The following ADORA2B variants were observed in gnomAD, a reference collection of about 807,000 sequenced individuals.
ADORA2B encodes adenosine receptor A2b.
ADORA2B carries 18 observed loss-of-function variants against 20.8 expected under a neutral mutation model. The ratio of observed to expected loss-of-function variants is 0.87; its 90% CI spans 0.60 to 1.29. The LOEUF is 1.29. Ranked by LOEUF, ADORA2B falls within the 50% of genes most tolerant of loss-of-function variation. The probability of loss-of-function intolerance (pLI) is 0.00; values close to 1 mark genes in which losing one functional copy is unlikely to be tolerated. For missense variants in ADORA2B, 441 were observed against 422.7 expected (o/e 1.04, Z -0.38); for synonymous variants, 179 against 178.3 (o/e 1.00, Z -0.03).
chr17:15,872,410 A>G, the ADORA2B span, among the ~76,000 whole-genome samples: 1 of 152,026 alleles, frequency 6.6e-6, no homozygotes, highest in African/African-American at 2.4e-5. Context: ...TTGGTTCCAT[A>G]TGAATTTTGG....
intron 1 of ADORA2B, among the ~76,000 whole-genome samples, chr17:15,968,303 G>A (rs144048894): frequency 2.6e-5 from 4 of 152,206 alleles, no homozygotes; most frequent in Admixed American, 1.3e-4. Context: ...CCACATATAC[G>A]GAGGGCTGCT....
the ADORA2B span, among the ~76,000 whole-genome samples, chr17:15,934,973 T>C: frequency 1.3e-5 from 2 of 151,906 alleles, no homozygotes; most frequent in Non-Finnish European, 2.9e-5. Context: ...TGCCACCTAA[T>C]TTTTGTATTT....
At chr17:15,920,648 G>A in the ADORA2B span, among the ~76,000 whole-genome samples, 1 of 151,672 alleles carries the variant, frequency 6.6e-6, no homozygotes, top group Admixed American at 6.6e-5. Context: ...TTGAATCTGG[G>A]AGGTGGAGGT....
the ADORA2B span, among the ~76,000 whole-genome samples, chr17:15,912,556 G>T: frequency 6.6e-6 from 1 of 152,182 alleles, no homozygotes; most frequent in Non-Finnish European, 1.5e-5. Context: ...ACCTAGCCAG[G>T]ATAGCAGCCA....
At chr17:15,892,988 G>GT in the ADORA2B span, among the ~76,000 whole-genome samples, 1 of 152,146 alleles carries the variant, frequency 6.6e-6, no homozygotes, top group Non-Finnish European at 1.5e-5. Context: ...TTATTCATGA[G>GT]TACTGTCTCT....
chr17:15,882,222 G>C, the ADORA2B span, among the ~76,000 whole-genome samples: 1 of 152,202 alleles, frequency 6.6e-6, no homozygotes, highest in Non-Finnish European at 1.5e-5. Flanking sequence ...GGGCTGTGGA[G>C]GGAGAGCAGA....
At chr17:15,973,227 A>C (rs1970209205) in intron 1 of ADORA2B, among the ~76,000 whole-genome samples, 1 of 152,200 alleles carries the variant, frequency 6.6e-6, no homozygotes, top group Admixed American at 6.5e-5. Context: ...TCCAGTGCTT[A>C]CTGCCTCAGG....
the ADORA2B span, among the ~76,000 whole-genome samples, chr17:15,879,567 T>C: frequency 4.6e-5 from 7 of 150,736 alleles, no homozygotes; most frequent in African/African-American, 1.7e-4. Flanking sequence ...AGACGGAGTC[T>C]TGCTCTGTCA....
the ADORA2B span, among the ~76,000 whole-genome samples, chr17:15,919,763 G>T: frequency 1.3e-5 from 2 of 152,194 alleles, no homozygotes; most frequent in South Asian, 4.1e-4. Flanking sequence ...CAGGTGGGAT[G>T]CCAGGTGGGG....
At chr17:15,917,983 G>A in the ADORA2B span, among the ~76,000 whole-genome samples, 1 of 152,248 alleles carries the variant, frequency 6.6e-6, no homozygotes, top group African/African-American at 2.4e-5. Flanking sequence ...TATCCTTGTG[G>A]GTGATTGTAC....
intron 1 of ADORA2B, among the ~76,000 whole-genome samples, chr17:15,970,617 A>G (rs1033283720): frequency 2.0e-5 from 3 of 152,220 alleles, no homozygotes; most frequent in Non-Finnish European, 4.4e-5. Flanking sequence ...TATTTGTGAA[A>G]TAAGAGAGAT....
intron 1 of ADORA2B, chr17:15,974,464 G>C (rs969548119): frequency 3.9e-6 from 2 of 514,260 alleles, no homozygotes; most frequent in Non-Finnish European, 6.9e-6. Flanking sequence ...GAAAGGAGTT[G>C]CTAAGTCAAG....
chr17:15,893,802 T>C, the ADORA2B span, among the ~76,000 whole-genome samples: 1 of 152,192 alleles, frequency 6.6e-6, no homozygotes. Flanking sequence ...CATAACCTCT[T>C]TACTTAGGTT....
At chr17:15,911,693 A>G in the ADORA2B span, among the ~76,000 whole-genome samples, 23 of 152,222 alleles carry the variant, frequency 1.5e-4, no homozygotes, top group Non-Finnish European at 4.4e-5. Context: ...TTATAACTCA[A>G]GGAGGTTCCC....
intron 1 of ADORA2B, among the ~76,000 whole-genome samples, chr17:15,952,018 C>G (rs1400090103): frequency 6.6e-6 from 1 of 152,236 alleles, no homozygotes; most frequent in Non-Finnish European, 1.5e-5. Context: ...GAAACACCGC[C>G]TGGCCTCATG....
intron 1 of ADORA2B, among the ~76,000 whole-genome samples, chr17:15,969,990 T>A (rs530081617): frequency 8.5e-5 from 13 of 152,362 alleles, no homozygotes; most frequent in Admixed American, 4.6e-4. Context: ...TTTTCAAATT[T>A]CTCACTCCTC....
chr17:15,900,873 T>C, the ADORA2B span, among the ~76,000 whole-genome samples: 2 of 152,200 alleles, frequency 1.3e-5, no homozygotes, highest in Non-Finnish European at 2.9e-5. Flanking sequence ...GGAAAGCGTC[T>C]TAGCCAGCCC....
the ADORA2B span, among the ~76,000 whole-genome samples, chr17:15,927,590 T>C: frequency 1.3e-5 from 2 of 152,106 alleles, no homozygotes; most frequent in East Asian, 3.8e-4. Flanking sequence ...GAGGTTGCAG[T>C]GAGCCAAGAT....
chr17:15,899,142 A>C, the ADORA2B span, among the ~76,000 whole-genome samples: 4 of 152,030 alleles, frequency 2.6e-5, no homozygotes, highest in Admixed American at 2.0e-4. Flanking sequence ...AGGCAGGAGA[A>C]TCACTTGAAC....
Sources: gnomAD v4.1 joint callset for allele counts (sites outside exome capture counted in the v4.1 genomes callset) on GRCh38, gnomAD v4.1.1 for gene constraint, MANE v1.5 for transcripts, NCBI Gene and HGNC (gene_info 2026-07-23, HGNC 2026-07-21) for gene names.